The following CAGE1 variants were observed in gnomAD, a reference collection of about 807,000 sequenced individuals.
CAGE1 encodes cancer antigen 1, also known as cancer-associated gene 1 protein.
A neutral mutation model predicts 94.9 loss-of-function variants in CAGE1; 66 were observed. The observed-to-expected ratio is 0.70, with a 90% confidence interval of 0.57 to 0.85. CAGE1 has a LOEUF of 0.85. CAGE1 is among the 40% of genes least tolerant of loss of function. CAGE1 has a pLI of 0.00. For missense variants in CAGE1, 865 were observed against 950.4 expected (o/e 0.91, Z 1.18); for synonymous variants, 319 against 321.0 (o/e 0.99, Z 0.07).
chr6:7,329,958 A>C, intron 12 of CAGE1, 70 bp from the exon 13 acceptor site: 1 of 669,972 alleles, frequency 1.5e-6, no homozygotes, highest in Non-Finnish European at 2.7e-6. Context: ...CATGGTGAGC[A>C]AGTTGCCATT....
Position 7,389,373 on chromosome 6 carries a change from A to G in CAGE1, c.-195T>C. On this transcript the variant is annotated 5_prime_UTR_variant, in exon 1 of 14. Transcript: ENST00000502583. ...TTTGTGGGAGGGAGAACGCTTTCCAACCTCCTCCACCAAGGACTCTCACAA... is the reference window on the plus strand; with the variant it reads ...TTTGTGGGAGGGAGAACGCTTTCCAGCCTCCTCCACCAAGGACTCTCACAA... The G allele has an allele frequency of 2.2e-6, 1 of 455,316 alleles. No homozygotes were observed. Among genetic ancestry groups the G allele is most frequent in the Admixed American group, 2.4e-5 (1 of 42,400 alleles). The allele number at this position is 455,316 out of a possible 1,614,324, so 28.2% of individuals were successfully genotyped here.
At chr6:7,340,533 C>T (rs1045076418) in intron 11 of CAGE1, among the ~76,000 whole-genome samples, 2 of 152,162 alleles carry the variant, frequency 1.3e-5, no homozygotes, top group Non-Finnish European at 2.9e-5. Context: ...GTAGGTGCCT[C>T]CAGGCCTTCC....
At chr6:7,372,244 G>C (rs948586958) in intron 5 of CAGE1, among the ~76,000 whole-genome samples, 2 of 152,124 alleles carry the variant, frequency 1.3e-5, no homozygotes, top group African/African-American at 4.8e-5. Flanking sequence ...GGCTGAGGCA[G>C]GTGGATCACT....
chr6:7,360,707 G>A (rs1206156623), intron 9 of CAGE1, among the ~76,000 whole-genome samples: 1 of 152,170 alleles, frequency 6.6e-6, no homozygotes, highest in Non-Finnish European at 1.5e-5. Context: ...ACTTTGGGAG[G>A]CCAAGGCGGG....
intron 1 of CAGE1, among the ~76,000 whole-genome samples, chr6:7,387,788 C>T (rs1581704273): frequency 6.7e-6 from 1 of 149,458 alleles, no homozygotes; most frequent in Non-Finnish European, 1.5e-5. Flanking sequence ...GGGAGGCCGA[C>T]GCGGGCGGAT....
intron 11 of CAGE1, among the ~76,000 whole-genome samples, chr6:7,344,547 C>G (rs780253024): frequency 6.6e-6 from 1 of 152,242 alleles, no homozygotes; most frequent in Non-Finnish European, 1.5e-5. Flanking sequence ...ATGAGCGCCG[C>G]CCCCTGCTCT....
intron 5 of CAGE1, among the ~76,000 whole-genome samples, chr6:7,371,465 C>T (rs1760537144): frequency 6.6e-6 from 1 of 152,038 alleles, no homozygotes; most frequent in South Asian, 2.1e-4. Flanking sequence ...AAGGTAACAT[C>T]AGCTCAGTTC....
intron 11 of CAGE1, among the ~76,000 whole-genome samples, chr6:7,337,112 G>C (rs1758980849): frequency 6.6e-6 from 1 of 151,988 alleles, no homozygotes; most frequent in Non-Finnish European, 1.5e-5. Context: ...CATGAGGTCA[G>C]GAGTTCAAGA....
Position 7,387,165 on chromosome 6 carries a change from C to G in CAGE1, c.9G>C (p.Lys3Asn). Reference sequence around the variant, plus strand: ...GTGATGACCAAAATTTTTGATAGTCCTTGTTCATAACTGTTGAACAATAGA... The same window carrying G: ...GTGATGACCAAAATTTTTGATAGTCGTTGTTCATAACTGTTGAACAATAGA... MN[K>N]DYQKFWSSPS... Residue 3 changes from lysine to asparagine, a missense_variant, in exon 2 of 14, where the codon AAG (lysine) becomes AAC (asparagine). Physicochemically the swap from Lys to Asn is moderately conservative, Grantham distance 94 (BLOSUM62 0). Coordinates refer to ENST00000502583, the MANE Select transcript of CAGE1 (RefSeq NM_001170692.2). The G allele has an allele frequency of 6.5e-7, 1 of 1,549,942 alleles. No individual in the cohort carries two copies.
chr6:7,345,103 C>CTTGTTGCTG (rs1485317131), intron 11 of CAGE1, among the ~76,000 whole-genome samples: 2 of 151,792 alleles, frequency 1.3e-5, no homozygotes, highest in Admixed American at 6.6e-5. Flanking sequence ...AATCTTAACT[C>CTTGTTGCTG]TTGTTGCTGT....
At chr6:7,358,168 C>G (rs192340849) in intron 9 of CAGE1, among the ~76,000 whole-genome samples, 22 of 150,416 alleles carry the variant, frequency 1.5e-4, no homozygotes, top group South Asian at 4.2e-4. Flanking sequence ...CTCCCTCCTG[C>G]CCATCTGCCT....
At chr6:7,345,243 G>A (rs538558661) in intron 11 of CAGE1, among the ~76,000 whole-genome samples, 3 of 127,632 alleles carry the variant, frequency 2.4e-5, no homozygotes, top group African/African-American at 4.3e-5. Flanking sequence ...CCAAGAAGAA[G>A]GAACAACTCC....
intron 11 of CAGE1, among the ~76,000 whole-genome samples, chr6:7,334,700 C>T (rs1758888520): frequency 7.8e-6 from 1 of 129,002 alleles, no homozygotes; most frequent in African/African-American, 3.3e-5. Context: ...TGCACTTCAG[C>T]CTGGGACAGA....
At chr6:7,329,326 C>T (rs1489604983) in intron 13 of CAGE1, 2 of 362,066 alleles carry the variant, frequency 5.5e-6, no homozygotes, top group Non-Finnish European at 9.9e-6. Flanking sequence ...TAGATGTGGC[C>T]AATATGCATG....
chr6:7,367,475 A>G (rs559303203), intron 7 of CAGE1, among the ~76,000 whole-genome samples: 20 of 152,006 alleles, frequency 1.3e-4, no homozygotes. Flanking sequence ...GAGTTTCCCC[A>G]TGTTTCCCAG....
intron 9 of CAGE1, among the ~76,000 whole-genome samples, chr6:7,361,302 G>A (rs1177859751): frequency 6.6e-6 from 1 of 152,106 alleles, no homozygotes; most frequent in Non-Finnish European, 1.5e-5. Context: ...TAACACCAAA[G>A]CACAACTCAG....
intron 5 of CAGE1, 81 bp downstream of exon 5, chr6:7,372,992 G>T: frequency 1.0e-6 from 1 of 965,566 alleles, no homozygotes; most frequent in Non-Finnish European, 1.5e-6. Flanking sequence ...ACAAATATAA[G>T]TGCCACGTCT....
chr6:7,348,543 G>A lies in CAGE1; in HGVS notation c.2369+6498C>T, dbSNP rs148348604. Among the ~76,000 whole-genome samples, 450 of 152,222 alleles carry A rather than the reference G, an allele frequency of 3.0e-3. 1 individual carries two copies. Among genetic ancestry groups the A allele is most frequent in the Middle Eastern group, 0.01 (3 of 294 alleles). On this transcript the variant is annotated intron_variant, in intron 11 of 13. Coordinates refer to ENST00000502583, the MANE Select transcript of CAGE1 (RefSeq NM_001170692.2). Reference sequence around the variant, plus strand: ...CCCCCAAAATCACACTAGCTCACCAGCTATGGATCCAAACCAAGAGGAAAT... The same window carrying A: ...CCCCCAAAATCACACTAGCTCACCAACTATGGATCCAAACCAAGAGGAAAT...
intron 6 of CAGE1, 89 bp downstream of exon 6, chr6:7,369,830 A>G: frequency 7.8e-7 from 1 of 1,275,732 alleles, no homozygotes; most frequent in Non-Finnish European, 1.1e-6. Context: ...CTTCTTCCAC[A>G]ACTTAATTCC....
Sources: allele counts gnomAD v4.1 joint callset (sites outside exome capture counted in the v4.1 genomes callset), GRCh38; gene constraint gnomAD v4.1.1; transcripts MANE v1.5; gene names NCBI Gene and HGNC (gene_info 2026-07-23, HGNC 2026-07-21).